Variants in SLC4A9 observed in about 807,000 individuals in gnomAD.
SLC4A9 encodes anion exchange protein 4.
Under a neutral mutation model 103.2 loss-of-function variants are expected in SLC4A9, and 102 were observed. That is an observed-to-expected ratio of 0.99 (90% CI 0.84 to 1.17). The LOEUF (loss-of-function observed/expected upper bound fraction) is 1.17, where lower values mean the gene tolerates loss of function less well. Among genes scored for constraint, SLC4A9 ranks in the 50% most tolerant of loss-of-function variants. The pLI is 0.00. For synonymous variants in SLC4A9, 453 were observed against 483.6 expected (o/e 0.94, Z 0.83); for missense variants, 1,091 against 1,193.7 (o/e 0.91, Z 1.27).
chr5:140,366,115 A>G, intron 13 of SLC4A9, 36 bp from the exon 14 acceptor site: 1 of 1,608,904 alleles, frequency 6.2e-7, no homozygotes, highest in Non-Finnish European at 8.5e-7. Flanking sequence ...GAGAGATGGC[A>G]GGCCTGGACC....
intron 11 of SLC4A9, 63 bp downstream of exon 11, chr5:140,364,688 C>T (rs1767629846): frequency 6.5e-7 from 1 of 1,543,418 alleles, no homozygotes; most frequent in South Asian, 1.2e-5. Context: ...GGAGGGGCTG[C>T]ACCCTTACTA....
intron 18 of SLC4A9, 70 bp from the exon 19 acceptor site, chr5:140,371,381 T>C (rs1691067630): frequency 6.3e-7 from 1 of 1,578,712 alleles, no homozygotes; most frequent in South Asian, 1.1e-5. Context: ...TGGGCTATGA[T>C]AGCTATCAGT....
chr5:140,371,038 G>A (rs988690994), intron 17 of SLC4A9, 57 bp from the exon 18 acceptor site: 125 of 1,524,746 alleles, frequency 8.2e-5, no homozygotes, highest in Admixed American at 5.1e-4. Context: ...GGCATCCTGG[G>A]GCATCTGGGA....
chr5:140,361,748 T>C (rs1275111094), intron 3 of SLC4A9, 60 bp from the exon 4 acceptor site: 27 of 1,584,802 alleles, frequency 1.7e-5, no homozygotes, highest in Middle Eastern at 3.3e-4. Flanking sequence ...GATTAGGGAA[T>C]CCTGGTGGAT....
chr5:140,366,012 T>TC lies in SLC4A9; in HGVS notation c.1893dup (p.Ser632LeufsTer23), dbSNP rs756985624. 6.2e-7 allele frequency: 1 copy of TC among 1,613,968 alleles called. No individual in the cohort carries two copies. The highest frequency in any genetic ancestry group is 1.7e-5 in the Admixed American group (1 of 60,024). On this transcript the variant is annotated frameshift_variant, in exon 13 of 22. Transcript: ENST00000506757. LOFTEE classifies it high-confidence loss of function. ...AAGTGTGTAAAGACCAGCCGCTTCT[T>TC]CCCCTCTGTGGTGAGTTTCACCTTT...
intron 5 of SLC4A9, 103 bp from the exon 6 acceptor site, chr5:140,362,342 A>T: frequency 7.7e-7 from 1 of 1,296,240 alleles, no homozygotes; most frequent in Middle Eastern, 1.9e-4. Flanking sequence ...TGTGCAAATG[A>T]GTGTGTTTAT....
intron 18 of SLC4A9, 33 bp from the exon 19 acceptor site, chr5:140,371,418 T>G (rs1218319910): frequency 1.2e-6 from 2 of 1,612,826 alleles, no homozygotes; most frequent in South Asian, 2.2e-5. Flanking sequence ...GCTACCTGAG[T>G]GCCCTGCTTT....
At chr5:140,372,520 C>G in intron 20 of SLC4A9, 123 bp downstream of exon 20, 17 of 1,500,198 alleles carry the variant, frequency 1.1e-5, no homozygotes, top group Non-Finnish European at 1.5e-5. Flanking sequence ...AGTCACTTCC[C>G]TTATCTGTGT....
intron 14 of SLC4A9, among the ~76,000 whole-genome samples, 175 bp downstream of exon 14, chr5:140,366,439 CAG>C: frequency 6.6e-6 from 1 of 152,138 alleles, no homozygotes; most frequent in Admixed American, 6.5e-5. Context: ...TGAAGTACTG[CAG>C]CAGACACGTG....
At position 140,361,300 on chromosome 5, in the gene SLC4A9, G is replaced by A. The variant is rs1767043390; in HGVS notation, c.438G>A (p.Gln146=). 1.3e-6 allele frequency: 2 copies of A among 1,572,396 alleles called. No individual in the cohort carries two copies. Among genetic ancestry groups the A allele is most frequent in the Non-Finnish European group, 1.7e-6 (2 of 1,158,706 alleles). The change falls in exon 3 of 22, where the codon CAG becomes CAA. Residue 146 remains glutamine, a synonymous_variant. Coordinates refer to ENST00000506757, the MANE Select transcript of SLC4A9 (RefSeq NM_031467.3). ...CGCTGAGCCCAGAGCTGAGAGGGCA[G>A]TTGCAGGCCTTGCTGCTGCAGAGAC... ...VESLSPELRG[Q]LQALLLQRPQ... is the part of the protein sequence containing the mutation.
intron 18 of SLC4A9, 51 bp from the exon 19 acceptor site, chr5:140,371,400 C>G: frequency 6.2e-7 from 1 of 1,604,536 alleles, no homozygotes; most frequent in Middle Eastern, 1.7e-4. Flanking sequence ...GTGACACCCT[C>G]CTATCAGGCT....
In SLC4A9 at chr5:140,372,321, T is replaced by A. The variant is rs779361112; in HGVS notation, c.2750T>A (p.Met917Lys). Residue 917 changes from methionine to lysine, a missense_variant, in exon 20 of 22, where the codon ATG (methionine) becomes AAG (lysine). By Grantham distance (95) the Met-to-Lys change is moderately conservative. Coordinates refer to ENST00000506757, the MANE Select transcript of SLC4A9 (RefSeq NM_031467.3). ...PQELLWLDEL[M>K]PEEERSIPEK... ...GAACTCCTCTGGCTGGATGAGCTGA[T>A]GCCAGAGGAGGAGAGAAGCATCCCT... The A allele has an allele frequency of 9.9e-6, 16 of 1,610,092 alleles. No individual in the cohort carries two copies. The highest frequency in any genetic ancestry group is 1.4e-5 in the Non-Finnish European group (16 of 1,178,990).
chr5:140,367,490 C>T lies in SLC4A9; in HGVS notation c.2084C>T (p.Ala695Val). 6.2e-6 allele frequency: 10 copies of T among 1,603,152 alleles called. No homozygotes were observed. Among genetic ancestry groups the T allele is most frequent in the Non-Finnish European group, 8.5e-6 (10 of 1,175,588 alleles). ...AACCCCTGGTGGTGGAGTGTGGCAG[C>T]TGCCCTGCCTGCCCTGCTGCTGTCT... ...GANPWWWSVA[A>V]ALPALLLSIL... Residue 695 changes from alanine (A) to valine (V), a missense_variant, in exon 15 of 22, where the codon GCT becomes GTT. Physicochemically the swap from Ala to Val is moderately conservative, Grantham distance 64. Transcript: ENST00000506757.
chr5:140,374,249 C>T (rs1348915539), intron 21 of SLC4A9, among the ~76,000 whole-genome samples: 1 of 150,860 alleles, frequency 6.6e-6, no homozygotes, highest in East Asian at 2.0e-4. Flanking sequence ...CATCTTCATG[C>T]TTCTCCAAGC....
chr5:140,360,497 T>A, intron 1 of SLC4A9, 31 bp downstream of exon 1: 1 of 1,532,314 alleles, frequency 6.5e-7, no homozygotes, highest in Admixed American at 2.0e-5. Flanking sequence ...TTCTGTGGGA[T>A]CCTTCCCCTT....
chr5:140,362,063 G>A lies in SLC4A9; in HGVS notation c.608G>A (p.Gly203Glu), dbSNP rs1767167675. ...RQKLPPGAEAGTVLAGELGFL... is the reference protein window; with the variant it reads ...RQKLPPGAEAETVLAGELGFL... ...AAGCTACCTCCAGGAGCTGAGGCAG[G>A]GACTGTGCTGGCAGGGGAGCTGGGC... Residue 203 changes from glycine (G) to glutamate (E), a missense_variant, in exon 5 of 22, where the codon GGG becomes GAG. Physicochemically the swap from Gly to Glu is moderately conservative, Grantham distance 98. Coordinates refer to ENST00000506757, the MANE Select transcript of SLC4A9 (RefSeq NM_031467.3). The A allele has an allele frequency of 1.9e-6, 3 of 1,597,100 alleles. No homozygotes were observed. The highest frequency in any genetic ancestry group is 2.6e-6 in the Non-Finnish European group (3 of 1,175,824).
Position 140,360,889 on chromosome 5 carries a change from C to T in SLC4A9, c.308C>T (p.Pro103Leu), listed in dbSNP as rs535653893. 1.1e-4 allele frequency: 184 copies of T among 1,610,536 alleles called. 4 individuals carry two copies. The South Asian group carries it at 2.0e-3, about 17-fold the overall frequency. Reference protein sequence around the residue: ...SAPHVPTLALPSLQKLRSLLA... With the variant: ...SAPHVPTLALLSLQKLRSLLA... ...CCCCACGTGCCCACCCTGGCACTGCCCAGCCTCCAGAAGCTCCGCAGCCTG... is the reference window on the plus strand; with the variant it reads ...CCCCACGTGCCCACCCTGGCACTGCTCAGCCTCCAGAAGCTCCGCAGCCTG... The change falls in exon 2 of 22, where the codon CCC becomes CTC. Residue 103 changes from proline (P) to leucine (L), a missense_variant. Transcript: ENST00000506757.
Position 140,365,551 on chromosome 5 carries a change from A to G in SLC4A9, c.1683A>G (p.Pro561=). ...AGTCTCAATGGATAAGGACAAGGCCAAAAGACAGAGACGACATTGTAAGCA... is the reference window on the plus strand; with the variant it reads ...AGTCTCAATGGATAAGGACAAGGCCGAAAGACAGAGACGACATTGTAAGCA... ...GNESQWIRTR[P]KDRDDIVSMD... is the part of the protein sequence containing the mutation. Residue 561 remains proline (P), a synonymous_variant, in exon 12 of 22, where the codon CCA becomes CCG. Coordinates refer to ENST00000506757, the MANE Select transcript of SLC4A9 (RefSeq NM_031467.3). 1 of 1,612,208 alleles carries G rather than the reference A, an allele frequency of 6.2e-7. No homozygotes were observed. The highest frequency in any genetic ancestry group is 8.5e-7 in the Non-Finnish European group (1 of 1,179,130).
rs1304379449 is a variant in SLC4A9 at position 140,361,368 on chromosome 5, G to T, written c.505+1G>T. 1.3e-6 allele frequency: 2 copies of T among 1,552,670 alleles called. No individual in the cohort carries two copies. The highest frequency in any genetic ancestry group is 2.0e-5 in the Admixed American group (1 of 51,100). Reference sequence around the variant, plus strand: ...ACCACAGGCACCAGGCCCTGCTGGGGTGAGAGCCCCTCCCTGGGCCCAGGA... The same window carrying T: ...ACCACAGGCACCAGGCCCTGCTGGGTTGAGAGCCCCTCCCTGGGCCCAGGA... On this transcript the variant is annotated splice_donor_variant, in intron 3 of 21. Coordinates refer to ENST00000506757, the MANE Select transcript of SLC4A9 (RefSeq NM_031467.3). LOFTEE classifies it high-confidence loss of function.
Sources: allele counts gnomAD v4.1 joint callset (sites outside exome capture counted in the v4.1 genomes callset), GRCh38; gene constraint gnomAD v4.1.1; transcripts MANE v1.5; gene names NCBI Gene and HGNC (gene_info 2026-07-23, HGNC 2026-07-21).